Variants in ART3 observed in about 807,000 individuals in gnomAD.
ART3 encodes ADP-ribosyltransferase 3 (inactive).
In ART3, 49 loss-of-function variants were observed where a neutral mutation model predicts 48.5. That is an observed-to-expected ratio of 1.01 (90% CI 0.80 to 1.28). The LOEUF is 1.28. Among genes scored for constraint, ART3 ranks in the 50% most tolerant of loss-of-function variants. The probability of loss-of-function intolerance (pLI) is 0.00; values close to 1 mark genes in which losing one functional copy is unlikely to be tolerated. For missense variants in ART3, 438 were observed against 454.3 expected (o/e 0.96, Z 0.33); for synonymous variants, 145 against 157.2 (o/e 0.92, Z 0.58).
At chr4:76,030,301 C>A (rs1027114854) in intron 1 of ART3, among the ~76,000 whole-genome samples, 4 of 152,214 alleles carry the variant, frequency 2.6e-5, no homozygotes, top group Non-Finnish European at 4.4e-5. Context: ...CGTGATCCAC[C>A]CGCCTCGGCC....
chr4:76,084,942 A>G (rs1410811311), intron 3 of ART3, among the ~76,000 whole-genome samples: 8 of 152,146 alleles, frequency 5.3e-5, no homozygotes, highest in Admixed American at 2.6e-4. Flanking sequence ...GGTTCAAAAT[A>G]TATTGTATTT....
At chr4:76,039,607 T>G (rs772167403) in intron 1 of ART3, among the ~76,000 whole-genome samples, 7 of 152,186 alleles carry the variant, frequency 4.6e-5, no homozygotes, top group Non-Finnish European at 7.4e-5. Context: ...TAAAAATCAC[T>G]TACAGAAAGT....
intron 1 of ART3, among the ~76,000 whole-genome samples, chr4:76,064,272 C>T (rs936857121): frequency 1.3e-5 from 2 of 152,156 alleles, no homozygotes; most frequent in African/African-American, 4.8e-5. Context: ...ATCACCACTA[C>T]CATCACCACC....
At chr4:76,106,399 A>G (rs1008487859) in intron 10 of ART3, 1 of 979,604 alleles carries the variant, frequency 1.0e-6, no homozygotes, top group African/African-American at 1.8e-5. Flanking sequence ...GTTAGGACAG[A>G]TTTATTTTAG....
chr4:76,093,744 G>A (rs894714338), intron 3 of ART3, among the ~76,000 whole-genome samples: 1 of 152,132 alleles, frequency 6.6e-6, no homozygotes, highest in Admixed American at 6.5e-5. Flanking sequence ...TTTTTCTTCA[G>A]TGTCTAGTTT....
At chr4:76,050,060 C>T (rs1735905543) in intron 1 of ART3, among the ~76,000 whole-genome samples, 1 of 148,480 alleles carries the variant, frequency 6.7e-6, no homozygotes, top group Non-Finnish European at 1.5e-5. Context: ...GTCTCACTGG[C>T]TCAGGAGTGA....
intron 1 of ART3, among the ~76,000 whole-genome samples, chr4:76,055,771 T>C (rs890382410): frequency 1.3e-5 from 2 of 152,176 alleles, no homozygotes; most frequent in African/African-American, 2.4e-5. Context: ...AACAGGAGAA[T>C]GATTATGTGA....
rs543848033 is a variant in ART3, at chr4:76,046,866, C to T, written c.-9-29015C>T. On this transcript the variant is annotated intron_variant, in intron 1 of 9. Coordinates refer to the ART3 transcript ENST00000341029. Reference sequence around the variant, plus strand: ...TGTCCCAGGATTCCTCGGGTGGTAACGGACCTTGAGGACAGTCATCCAGGA... The same window carrying T: ...TGTCCCAGGATTCCTCGGGTGGTAATGGACCTTGAGGACAGTCATCCAGGA... Among the ~76,000 whole-genome samples, 7 of 152,056 alleles carry T rather than the reference C, an allele frequency of 4.6e-5. No individual in the cohort carries two copies. In the South Asian group the frequency reaches 1.0e-3, roughly 23 times the overall value.
intron 11 of ART3, among the ~76,000 whole-genome samples, chr4:76,110,552 A>G (rs947419844): frequency 6.7e-6 from 1 of 148,644 alleles, no homozygotes; most frequent in Non-Finnish European, 1.5e-5. Context: ...TTGCATGTAT[A>G]TACAGAAAAT....
At chr4:76,035,064 C>T in intron 1 of ART3, 1 of 1,613,544 alleles carries the variant, frequency 6.2e-7, no homozygotes, top group Non-Finnish European at 8.5e-7. Flanking sequence ...ATAAGCCTTG[C>T]TTGCTTCGAT....
rs1433341817 is a variant in ART3, at chr4:76,051,489, G to T, written c.-9-24392G>T. Among the ~76,000 whole-genome samples the T allele has an allele frequency of 3.3e-5, 5 of 152,266 alleles. No homozygotes were observed. In the East Asian group the frequency reaches 9.6e-4, roughly 29 times the overall value. On this transcript the variant is annotated intron_variant, in intron 1 of 9. Transcript: ENST00000341029. Reference sequence around the variant, plus strand: ...TAAATAACATTAAAATCATTAAGACGTTGAGGAATAATGCATGTTTTAATG... The same window carrying T: ...TAAATAACATTAAAATCATTAAGACTTTGAGGAATAATGCATGTTTTAATG...
chr4:76,078,968 C>G (rs1288440226), intron 2 of ART3, among the ~76,000 whole-genome samples: 1 of 152,068 alleles, frequency 6.6e-6, no homozygotes, highest in Non-Finnish European at 1.5e-5. Context: ...GTAGTCCCAG[C>G]TACTGGGGAG....
At position 76,112,367 on chromosome 4, in the gene ART3, T is replaced by C. The variant is rs144563468; in HGVS notation, c.1037-19T>C. ...ACATAAAAAATGATGTGTCAGTGACTGTGTATTCTTGTTAACAGCTCCAGG... is the reference window on the plus strand; with the variant it reads ...ACATAAAAAATGATGTGTCAGTGACCGTGTATTCTTGTTAACAGCTCCAGG... On this transcript the variant is annotated intron_variant, in intron 11 of 11. Coordinates refer to ENST00000355810, the MANE Select transcript of ART3 (RefSeq NM_001130016.3). The C allele has an allele frequency of 3.7e-4, 596 of 1,608,172 alleles. 4 individuals carry two copies. The African/African-American group carries it at 6.4e-3, about 17-fold the overall frequency.
At chr4:76,062,647 G>A (rs927209255) in intron 1 of ART3, among the ~76,000 whole-genome samples, 11 of 139,956 alleles carry the variant, frequency 7.9e-5, no homozygotes, top group African/African-American at 2.7e-4. Flanking sequence ...GGCAAGCTCC[G>A]CCTCTCGGGT....
intron 1 of ART3, among the ~76,000 whole-genome samples, chr4:76,017,410 C>A (rs1403722641): frequency 2.0e-5 from 3 of 151,944 alleles, no homozygotes; most frequent in African/African-American, 7.3e-5. Context: ...TGACTCTCTG[C>A]CCAGCACTCT....
chr4:76,076,283 C>T (rs867970993), intron 2 of ART3, among the ~76,000 whole-genome samples: 2 of 152,030 alleles, frequency 1.3e-5, no homozygotes, highest in Non-Finnish European at 2.9e-5. Flanking sequence ...GGATTACAGG[C>T]GTGAGCCACC....
At position 76,074,788 on chromosome 4, in the gene ART3, A is replaced by G. The variant is rs1276501188; in HGVS notation, c.-41A>G. On this transcript the variant is annotated 5_prime_UTR_variant, in exon 1 of 12. Coordinates refer to ENST00000355810, the MANE Select transcript of ART3 (RefSeq NM_001130016.3). ...GGGAGTCAGTTTGAGGCCTAGCATC[A>G]CTTAAACTTCCTCCAAAGGCACAAA... The G allele has an allele frequency of 6.6e-6, 1 of 152,204 alleles. No individual in the cohort carries two copies. The allele number at this position is 152,204 out of a possible 1,614,324, so 9.4% of individuals were successfully genotyped here. A position where few individuals can be genotyped will look rare whatever the true frequency, so the allele number is the denominator to read the frequency against.
intron 1 of ART3, among the ~76,000 whole-genome samples, chr4:76,052,909 A>G (rs1736271591): frequency 6.6e-6 from 1 of 151,898 alleles, no homozygotes; most frequent in African/African-American, 2.4e-5. Flanking sequence ...TTGTATTTTT[A>G]GTAGAGACGG....
At chr4:76,090,323 GT>G (rs1724591990) in intron 3 of ART3, among the ~76,000 whole-genome samples, 1 of 152,178 alleles carries the variant, frequency 6.6e-6, no homozygotes, top group Non-Finnish European at 1.5e-5. Flanking sequence ...TAAGATACTG[GT>G]TTAGTGAATC....
Sources: allele counts gnomAD v4.1 joint callset (sites outside exome capture counted in the v4.1 genomes callset), GRCh38; gene constraint gnomAD v4.1.1; transcripts MANE v1.5; gene names NCBI Gene and HGNC (gene_info 2026-07-23, HGNC 2026-07-21).